Variants in SLC25A42 observed in about 807,000 individuals in gnomAD.
SLC25A42 encodes the protein solute carrier family 25 member 42, also known as mitochondrial coenzyme A transporter SLC25A42.
In SLC25A42, 19 loss-of-function variants were observed where a neutral mutation model predicts 34.7. That is an observed-to-expected ratio of 0.55 (90% CI 0.38 to 0.80). The LOEUF (loss-of-function observed/expected upper bound fraction) is 0.80. Among genes scored for constraint, SLC25A42 ranks in the 30% least tolerant of loss-of-function variants. SLC25A42 has a pLI of 0.00. For synonymous variants in SLC25A42, 205 were observed against 191.2 expected, an observed-to-expected ratio of 1.07 and a Z score of -0.59; for missense variants, 364 against 441.3, an observed-to-expected ratio of 0.82 and a Z score of 1.57.
intron 1 of SLC25A42, among the ~76,000 whole-genome samples, chr19:19,068,668 A>G (rs2059614306): frequency 6.7e-6 from 1 of 149,452 alleles, no homozygotes; most frequent in Non-Finnish European, 1.5e-5. Context: ...ACTCTGTCTC[A>G]AGAAAAAAAT....
intron 1 of SLC25A42, among the ~76,000 whole-genome samples, chr19:19,094,058 G>A (rs374441479): frequency 3.9e-5 from 6 of 152,202 alleles, no homozygotes; most frequent in Admixed American, 3.3e-4. Context: ...AGGCACATGC[G>A]TCCACCTGAC....
At chr19:19,094,191 G>A (rs1243879635) in intron 1 of SLC25A42, among the ~76,000 whole-genome samples, 2 of 152,238 alleles carry the variant, frequency 1.3e-5, no homozygotes, top group Admixed American at 6.5e-5. Context: ...GCTAAGCGCA[G>A]CCACACCTGA....
chr19:19,101,902 C>A lies in SLC25A42; in HGVS notation c.187+16C>A, dbSNP rs781367231. 5.0e-6 allele frequency: 8 copies of A among 1,599,282 alleles called. No homozygotes were observed. In the South Asian group the frequency reaches 7.8e-5, roughly 16 times the overall value. ...ATCTTCCAAGGTAAGTGTTGGCCAT[C>A]CCCAGGTGCTAGAGAAGCTGCCAGG... On this transcript the variant is annotated intron_variant, in intron 3 of 7. Coordinates refer to ENST00000318596, the MANE Select transcript of SLC25A42 (RefSeq NM_178526.5).
Position 19,074,404 on chromosome 19 carries a change from C to T in SLC25A42, c.-35+10289C>T, listed in dbSNP as rs142410174. Reference sequence around the variant, plus strand: ...AACTAGAAAAGAAAACAGCCTTTATCGGCTGGCAGATAGGATGTTAATTGG... The same window carrying T: ...AACTAGAAAAGAAAACAGCCTTTATTGGCTGGCAGATAGGATGTTAATTGG... On this transcript the variant is annotated intron_variant, in intron 1 of 7. Transcript: ENST00000318596. Among the ~76,000 whole-genome samples the T allele has an allele frequency of 2.6e-5, 4 of 152,292 alleles. No homozygotes were observed. In the East Asian group the frequency reaches 7.7e-4, roughly 29 times the overall value.
intron 1 of SLC25A42, among the ~76,000 whole-genome samples, chr19:19,092,686 C>CGTG (rs1200558061): frequency 6.6e-6 from 1 of 152,212 alleles, no homozygotes; most frequent in Non-Finnish European, 1.5e-5. Context: ...GGCACCTCAC[C>CGTG]CACTGTTGGG....
In SLC25A42 at chr19:19,101,789, C is replaced by T. The variant is rs760156580; in HGVS notation, c.90C>T (p.His30=). The part of the protein sequence containing the change: ...LSSSVSSKRD[H]RQVLSSLLSG... ...CACATGTTCTGTTGCAGCGTGACCA[C>T]AGGCAAGTGCTCAGCTCCCTGCTGT... Residue 30 remains histidine (H), a synonymous_variant, in exon 3 of 8, where the codon CAC becomes CAT. Transcript: ENST00000318596. 2 of 1,612,624 alleles carry T rather than the reference C, an allele frequency of 1.2e-6. No homozygotes were observed. The highest frequency in any genetic ancestry group is 3.3e-5 in the Admixed American group (2 of 59,782).
At chr19:19,110,516 G>C in intron 7 of SLC25A42, 53 bp from the exon 8 acceptor site, 21 of 1,358,538 alleles carry the variant, frequency 1.5e-5, no homozygotes, top group Non-Finnish European at 2.0e-5. Flanking sequence ...ACGGGTGCGG[G>C]GTGCGCGCCC....
At chr19:19,071,642 G>A (rs867021450) in intron 1 of SLC25A42, among the ~76,000 whole-genome samples, 6 of 152,112 alleles carry the variant, frequency 3.9e-5, no homozygotes, top group African/African-American at 9.7e-5. Flanking sequence ...CGAGGTGGGC[G>A]GAGCACCTGA....
At chr19:19,100,541 A>T (rs2059790582) in intron 2 of SLC25A42, among the ~76,000 whole-genome samples, 1 of 151,724 alleles carries the variant, frequency 6.6e-6, no homozygotes, top group African/African-American at 2.4e-5. Context: ...CTGAGTATTC[A>T]TTCCTCCCCA....
chr19:19,088,789 C>T (rs868707444), intron 1 of SLC25A42, among the ~76,000 whole-genome samples: 12 of 151,530 alleles, frequency 7.9e-5, no homozygotes, highest in East Asian at 1.9e-4. Flanking sequence ...TGAGCCACTG[C>T]GCCCGGCCTT....
intron 1 of SLC25A42, among the ~76,000 whole-genome samples, chr19:19,076,408 T>G (rs1359747747): frequency 6.6e-6 from 1 of 152,008 alleles, no homozygotes; most frequent in African/African-American, 2.4e-5. Context: ...AGGTGGAGGT[T>G]GCAGTGAGCC....
At chr19:19,073,198 C>T (rs998212364) in intron 1 of SLC25A42, among the ~76,000 whole-genome samples, 4 of 152,204 alleles carry the variant, frequency 2.6e-5, no homozygotes, top group African/African-American at 9.7e-5. Flanking sequence ...CAGGCAAAAG[C>T]ACCTGTCTGC....
intron 1 of SLC25A42, among the ~76,000 whole-genome samples, chr19:19,068,824 C>T (rs1038293026): frequency 3.4e-5 from 5 of 146,042 alleles, no homozygotes; most frequent in African/African-American, 7.7e-5. Context: ...GGTGACAGAG[C>T]GACACTCAGT....
chr19:19,066,762 T>C (rs1040404018), intron 1 of SLC25A42, among the ~76,000 whole-genome samples: 8 of 152,152 alleles, frequency 5.3e-5, no homozygotes, highest in Non-Finnish European at 1.2e-4. Context: ...CTGCAGCCCA[T>C]ATTTAGCTTT....
chr19:19,064,930 G>T (rs1199043587), intron 1 of SLC25A42, among the ~76,000 whole-genome samples: 3 of 152,124 alleles, frequency 2.0e-5, no homozygotes, highest in Non-Finnish European at 4.4e-5. Flanking sequence ...CCGGACCTTA[G>T]AATAATCCCA....
chr19:19,096,258 C>T (rs2059764968), intron 2 of SLC25A42, 53 bp downstream of exon 2: 1 of 1,399,272 alleles, frequency 7.1e-7, no homozygotes, highest in Non-Finnish European at 9.8e-7. Context: ...CCAGCCTCCC[C>T]ACCCCCCCTC....
Position 19,106,298 on chromosome 19 carries a change from C to G in SLC25A42, c.410C>G (p.Ala137Gly). 1 of 1,613,084 alleles carries G rather than the reference C, an allele frequency of 6.2e-7. No individual in the cohort carries two copies. The highest frequency in any genetic ancestry group is 8.5e-7 in the Non-Finnish European group (1 of 1,179,964). Residue 137 changes from alanine (A) to glycine (G), a missense_variant, in exon 6 of 8, where the codon GCC (alanine) becomes GGC (glycine). Coordinates refer to ENST00000318596, the MANE Select transcript of SLC25A42 (RefSeq NM_178526.5). ...EALPPWPRLF[A>G]GALAGTTAAS... ...CTGCCCCCTTGGCCTCGCCTCTTCG[C>G]CGGCGCACTGGCTGGAACGACAGCC...
rs397967500 is a variant in SLC25A42 at position 19,071,010 on chromosome 19, T to TTTTTTTTTA, written c.-35+6895_-35+6896insTTTTTTTTA. On this transcript the variant is annotated intron_variant, in intron 1 of 7. Coordinates refer to ENST00000318596, the MANE Select transcript of SLC25A42 (RefSeq NM_178526.5). ...TACCGTCTTTTTTTTTTTTTTTTTT[T>TTTTTTTTTA]AATACAGGGTCTCACTTTCTCACTT... 2.7e-3 allele frequency among the ~76,000 whole-genome samples: 405 copies of TTTTTTTTTA among 148,062 alleles called. 7 individuals are homozygous for TTTTTTTTTA. The highest frequency in any genetic ancestry group is 9.8e-3 in the African/African-American group (390 of 39,734).
chr19:19,102,323 T>C (rs891736874), intron 3 of SLC25A42, among the ~76,000 whole-genome samples: 26 of 152,098 alleles, frequency 1.7e-4, no homozygotes, highest in African/African-American at 6.3e-4. Context: ...ATGAGGTTTT[T>C]CTCTGTTGCC....
Sources: allele counts gnomAD v4.1 joint callset (sites outside exome capture counted in the v4.1 genomes callset), GRCh38; gene constraint gnomAD v4.1.1; transcripts MANE v1.5; gene names NCBI Gene and HGNC (gene_info 2026-07-23, HGNC 2026-07-21).